The following HEATR4 variants were observed in gnomAD, a reference collection of about 807,000 sequenced individuals.
HEATR4 encodes the protein HEAT repeat containing 4.
A neutral mutation model predicts 108.8 loss-of-function variants in HEATR4; 95 were observed. The ratio of observed to expected loss-of-function variants is 0.87; its 90% CI spans 0.74 to 1.04. The LOEUF (loss-of-function observed/expected upper bound fraction) is 1.04. Ranked by LOEUF, HEATR4 falls within the 50% of genes least tolerant of loss-of-function variation. The probability of loss-of-function intolerance (pLI) is 0.00; values close to 1 mark genes in which losing one functional copy is unlikely to be tolerated. For missense variants in HEATR4, 1,152 were observed against 1,253.8 expected, an observed-to-expected ratio of 0.92 and a Z score of 1.23; for synonymous variants, 443 against 459.4, an observed-to-expected ratio of 0.96 and a Z score of 0.46.
chr14:73,570,009 G>A, the HEATR4 span: 48 of 1,390,458 alleles, frequency 3.5e-5, 1 homozygote, highest in Admixed American at 1.3e-3. Flanking sequence ...GCCCAGGCAG[G>A]TTTCGAATTC....
the HEATR4 span, among the ~76,000 whole-genome samples, chr14:73,593,037 T>A: frequency 6.6e-6 from 1 of 152,176 alleles, no homozygotes; most frequent in Admixed American, 6.5e-5. Flanking sequence ...CCCTACAGAT[T>A]TCTACAGGCA....
chr14:73,603,104 G>A, the HEATR4 span, among the ~76,000 whole-genome samples: 1 of 152,048 alleles, frequency 6.6e-6, no homozygotes, highest in Non-Finnish European at 1.5e-5. Flanking sequence ...GTAAAACCTG[G>A]TAACTTATTT....
chr14:73,582,174 C>T, the HEATR4 span: 4 of 142,036 alleles, frequency 2.8e-5, no homozygotes, highest in Admixed American at 1.4e-4. Context: ...AAGGGAGGGG[C>T]GAAATGGAAA....
At chr14:73,584,319 C>G in the HEATR4 span, among the ~76,000 whole-genome samples, 2 of 151,128 alleles carry the variant, frequency 1.3e-5, no homozygotes, top group Admixed American at 6.6e-5. Flanking sequence ...CCACTCTGCT[C>G]TGAAACTCAC....
At chr14:73,508,006 G>A (rs1207218991) in intron 9 of HEATR4, 128 bp downstream of exon 9, 10 of 850,560 alleles carry the variant, frequency 1.2e-5, no homozygotes, top group African/African-American at 3.4e-5. Flanking sequence ...TCGGCCTCCC[G>A]AAGTGTTGGG....
chr14:73,572,303 A>G, the HEATR4 span, among the ~76,000 whole-genome samples: 9 of 151,394 alleles, frequency 5.9e-5, 1 homozygote, highest in Non-Finnish European at 1.3e-4. Flanking sequence ...ATTGAACTAC[A>G]GCTACAAGAA....
chr14:73,616,519 C>G, the HEATR4 span, among the ~76,000 whole-genome samples: 1 of 151,794 alleles, frequency 6.6e-6, no homozygotes, highest in Admixed American at 6.6e-5. Flanking sequence ...ATGGCAAAAC[C>G]CAGTCTCTAC....
intron 17 of HEATR4, among the ~76,000 whole-genome samples, chr14:73,485,829 A>C (rs1445631392): frequency 6.6e-6 from 1 of 151,532 alleles, no homozygotes; most frequent in East Asian, 1.9e-4. Flanking sequence ...AGATCACGCC[A>C]CTGCATTTCA....
intron 2 of HEATR4, among the ~76,000 whole-genome samples, chr14:73,524,348 C>T (rs191914156): frequency 1.2e-4 from 16 of 128,040 alleles, no homozygotes; most frequent in East Asian, 4.4e-4. Flanking sequence ...ATAGCTGTAA[C>T]GTATTTTATC....
At position 73,555,438 on chromosome 14, in the gene HEATR4, G is replaced by A. The variant is rs1360340346; in HGVS notation, c.-152+3313C>T. On this transcript the variant is annotated intron_variant, in intron 1 of 17. Coordinates refer to ENST00000553558, the MANE Select transcript of HEATR4 (RefSeq NM_001220484.1). ...GCCTTCAAACATGAAAGAGAAATAA[G>A]GATATTCTTAGTTAAAAAAAAAAAA... is the stretch of plus-strand genomic sequence containing the variant. 2.2e-4 allele frequency among the ~76,000 whole-genome samples: 23 copies of A among 105,868 alleles called. 9 individuals are homozygous for A. The highest frequency in any genetic ancestry group is 2.1e-3 in the Admixed American group (20 of 9,328). 69.5% of individuals were successfully genotyped at this position (105,868 alleles called of 152,430 possible). A position where few individuals can be genotyped will look rare whatever the true frequency, so the allele number is the denominator to read the frequency against.
the HEATR4 span, among the ~76,000 whole-genome samples, chr14:73,632,989 T>TTC: frequency 1.8e-4 from 26 of 144,694 alleles, no homozygotes; most frequent in African/African-American, 3.7e-4. Context: ...TAATTCAGCT[T>TTC]TCTCTCTCTC....
intron 10 of HEATR4, among the ~76,000 whole-genome samples, chr14:73,505,658 G>A (rs1398266502): frequency 6.6e-6 from 1 of 152,014 alleles, no homozygotes; most frequent in Non-Finnish European, 1.5e-5. Context: ...CTCCCAAAGT[G>A]CTGGCATTAC....
intron 10 of HEATR4, 112 bp from the exon 11 acceptor site, chr14:73,503,125 G>A: frequency 2.4e-6 from 2 of 833,882 alleles, no homozygotes; most frequent in South Asian, 3.0e-5. Flanking sequence ...AATGAGGATT[G>A]TCCTGAGTGT....
the HEATR4 span, chr14:73,592,074 C>T: frequency 4.6e-4 from 681 of 1,484,330 alleles, no homozygotes; most frequent in African/African-American, 8.5e-3. Flanking sequence ...CGCGTCCCTG[C>T]GCGACGAGAA....
chr14:73,585,262 C>A, the HEATR4 span, among the ~76,000 whole-genome samples: 1 of 152,172 alleles, frequency 6.6e-6, no homozygotes. Flanking sequence ...TAGGTCAGGG[C>A]AAGGTCACAG....
chr14:73,482,926 GC>G (rs2140240460), intron 17 of HEATR4, among the ~76,000 whole-genome samples: 1 of 152,280 alleles, frequency 6.6e-6, no homozygotes, highest in African/African-American at 2.4e-5. Context: ...CTCCCAAAGT[GC>G]TGGGATTGCA....
chr14:73,493,548 A>G (rs73293431), intron 16 of HEATR4, among the ~76,000 whole-genome samples: 2,053 of 152,162 alleles, frequency 0.013, 44 homozygotes, highest in African/African-American at 0.044. Flanking sequence ...CTTAAGGAAG[A>G]GACTCTCAGG....
At position 73,542,707 on chromosome 14, in the gene HEATR4, T is replaced by C. The variant is rs527382389; in HGVS notation, c.-151-12463A>G. On this transcript the variant is annotated intron_variant, in intron 1 of 17. Transcript: ENST00000553558. ...AGGCGTCAGCCACCACGCCCGGCCA[T>C]GAGATGACGTACTTGTTGATGACGA... 1.5e-4 allele frequency among the ~76,000 whole-genome samples: 17 copies of C among 111,556 alleles called. 5 individuals are homozygous for C. Among genetic ancestry groups the C allele is most frequent in the Admixed American group, 4.0e-4 (4 of 9,888 alleles). 73.2% of individuals were successfully genotyped at this position (111,556 alleles called of 152,430 possible).
At chr14:73,615,172 G>T in the HEATR4 span, among the ~76,000 whole-genome samples, 1 of 150,902 alleles carries the variant, frequency 6.6e-6, no homozygotes. Flanking sequence ...TGGATCACGA[G>T]GTCAGGAGTT....
Sources: gnomAD v4.1 joint callset for allele counts (sites outside exome capture counted in the v4.1 genomes callset) on GRCh38, gnomAD v4.1.1 for gene constraint, MANE v1.5 for transcripts, NCBI Gene and HGNC (gene_info 2026-07-23, HGNC 2026-07-21) for gene names.